PKP4: variants seen among roughly 807,000 people sequenced by gnomAD.
The protein encoded by PKP4 is plakophilin 4.
In PKP4, 90 loss-of-function variants were observed where a neutral mutation model predicts 145.1. The observed-to-expected ratio is 0.62, with a 90% CI of 0.52 to 0.74. The LOEUF (loss-of-function observed/expected upper bound fraction) is 0.74. Among genes scored for constraint, PKP4 ranks in the 30% least tolerant of loss-of-function variants. The pLI, the probability that PKP4 is intolerant of heterozygous loss-of-function variation, is 0.00. For missense variants in PKP4, 1,340 were observed against 1,482.7 expected, an observed-to-expected ratio of 0.90 and a Z score of 1.58; for synonymous variants, 563 against 577.2, an observed-to-expected ratio of 0.98 and a Z score of 0.35.
At chr2:158,607,460 A>G (rs112234803) in intron 4 of PKP4, among the ~76,000 whole-genome samples, 4 of 152,284 alleles carry the variant, frequency 2.6e-5, no homozygotes, top group African/African-American at 9.6e-5. Flanking sequence ...AAACAGGATG[A>G]TGAAGCACCC....
chr2:158,624,630 A>T (rs2052573864), intron 6 of PKP4, among the ~76,000 whole-genome samples: 3 of 151,862 alleles, frequency 2.0e-5, no homozygotes, highest in Admixed American at 2.0e-4. Context: ...AAATGTCTTC[A>T]GATCTCTTTT....
At chr2:158,610,671 T>G (rs2051063102) in intron 4 of PKP4, among the ~76,000 whole-genome samples, 1 of 152,194 alleles carries the variant, frequency 6.6e-6, no homozygotes, top group South Asian at 2.1e-4. Flanking sequence ...CCAGTCACAT[T>G]CCATGAAGTG....
chr2:158,513,853 A>C (rs1056947328), intron 1 of PKP4, among the ~76,000 whole-genome samples: 3 of 151,532 alleles, frequency 2.0e-5, no homozygotes, highest in Admixed American at 1.3e-4. Flanking sequence ...CCCCGCTTCC[A>C]CCCCAATTTT....
chr2:158,469,810 C>T (rs901556824), intron 1 of PKP4, among the ~76,000 whole-genome samples: 7 of 152,222 alleles, frequency 4.6e-5, no homozygotes, highest in Middle Eastern at 3.4e-3. Flanking sequence ...ATGATATAAC[C>T]TCAGCACTAT....
chr2:158,658,665 G>A, intron 12 of PKP4: 1 of 184,356 alleles, frequency 5.4e-6, no homozygotes, highest in Non-Finnish European at 1.1e-5. Context: ...AATTCAAAAT[G>A]TGATGGTTAA....
intron 1 of PKP4, among the ~76,000 whole-genome samples, chr2:158,469,842 C>G (rs1420284867): frequency 6.6e-6 from 1 of 152,142 alleles, no homozygotes; most frequent in African/African-American, 2.4e-5. Flanking sequence ...GAAATATGAT[C>G]CTCCCAATAA....
intron 2 of PKP4, among the ~76,000 whole-genome samples, chr2:158,540,309 C>T (rs1330115095): frequency 1.3e-5 from 2 of 152,158 alleles, no homozygotes; most frequent in African/African-American, 4.8e-5. Context: ...TCACACATAA[C>T]TGGATCACAC....
chr2:158,469,561 A>G (rs1691227149), intron 1 of PKP4, among the ~76,000 whole-genome samples: 1 of 152,176 alleles, frequency 6.6e-6, no homozygotes. Context: ...TCTACCTTGA[A>G]GGTCAAATCT....
intron 2 of PKP4, among the ~76,000 whole-genome samples, chr2:158,554,873 GA>G (rs539125995): frequency 5.1e-4 from 77 of 152,234 alleles, no homozygotes; most frequent in African/African-American, 1.8e-3. Context: ...GCCACACCTA[GA>G]AGAAAGGTAC....
chr2:158,494,299 G>A (rs890087355), intron 1 of PKP4, among the ~76,000 whole-genome samples: 7 of 151,714 alleles, frequency 4.6e-5, no homozygotes, highest in Non-Finnish European at 8.8e-5. Flanking sequence ...ACAAGAAACA[G>A]CCCTAAAAAA....
intron 9 of PKP4, among the ~76,000 whole-genome samples, chr2:158,639,489 TTAATTTTAAAGA>T (rs2054099384): frequency 1.3e-5 from 2 of 152,218 alleles, no homozygotes; most frequent in South Asian, 4.1e-4. Flanking sequence ...CACTCGGTCA[TTAATTTTAAAGA>T]TAATTTTAAA....
Position 158,663,343 on chromosome 2 carries a change from G to C in PKP4, c.2475G>C (p.Ser825=). The change falls in exon 15 of 22, where the codon TCG becomes TCC. Residue 825 remains serine, a synonymous_variant. Transcript: ENST00000389759. The part of the protein sequence containing the change: ...PKGVEMLWHP[S]VVKPYLTLLA... ...GGGTTGAGATGCTGTGGCACCCATC[G>C]GTGGTAAAACCATATCTGACTCTTC... The C allele has an allele frequency of 1.2e-6, 2 of 1,614,044 alleles. No homozygotes were observed. The highest frequency in any genetic ancestry group is 1.7e-6 in the Non-Finnish European group (2 of 1,179,938).
At chr2:158,470,957 G>T (rs1691474461) in intron 1 of PKP4, among the ~76,000 whole-genome samples, 1 of 152,136 alleles carries the variant, frequency 6.6e-6, no homozygotes, top group Non-Finnish European at 1.5e-5. Context: ...GAAAACCATT[G>T]AGAATGAAAA....
intron 4 of PKP4, among the ~76,000 whole-genome samples, chr2:158,610,706 A>G (rs977856217): frequency 2.1e-4 from 32 of 152,132 alleles, no homozygotes; most frequent in African/African-American, 6.3e-4. Context: ...TCACAATATC[A>G]CAGTTTTTCT....
chr2:158,477,659 A>G (rs140727036), intron 1 of PKP4, among the ~76,000 whole-genome samples: 1 of 152,292 alleles, frequency 6.6e-6, no homozygotes, highest in East Asian at 1.9e-4. Flanking sequence ...CTGAAGTCCA[A>G]TTTCCTGGCA....
chr2:158,481,976 T>C (rs1289705396), intron 1 of PKP4, among the ~76,000 whole-genome samples: 1 of 152,260 alleles, frequency 6.6e-6, no homozygotes, highest in Non-Finnish European at 1.5e-5. Context: ...AGTGATATTT[T>C]ACTGTATTCT....
At chr2:158,476,401 G>A (rs879502666) in intron 1 of PKP4, among the ~76,000 whole-genome samples, 3 of 152,094 alleles carry the variant, frequency 2.0e-5, no homozygotes, top group Non-Finnish European at 4.4e-5. Flanking sequence ...TGTGAGTATA[G>A]CTCACTGCAA....
chr2:158,461,187 TTAA>T (rs1488067769), intron 1 of PKP4, among the ~76,000 whole-genome samples: 1 of 152,198 alleles, frequency 6.6e-6, no homozygotes, highest in Non-Finnish European at 1.5e-5. Context: ...CCTTGTCACT[TTAA>T]TAATTCAGTG....
At chr2:158,548,723 GC>G in intron 2 of PKP4, 1 of 250,922 alleles carries the variant, frequency 4.0e-6, no homozygotes, top group Non-Finnish European at 7.3e-6. Context: ...GCTTAAGCTG[GC>G]CCATAAGTAC....
Sources: allele counts gnomAD v4.1 joint callset (sites outside exome capture counted in the v4.1 genomes callset), GRCh38; gene constraint gnomAD v4.1.1; transcripts MANE v1.5; gene names NCBI Gene and HGNC (gene_info 2026-07-23, HGNC 2026-07-21).